Variants in CYP19A1 observed in about 807,000 individuals in gnomAD.
CYP19A1 encodes the protein aromatase.
CYP19A1 carries 32 observed loss-of-function variants against 44.4 expected under a neutral mutation model. That is an observed-to-expected ratio of 0.72 (90% confidence interval 0.54 to 0.97). The LOEUF (loss-of-function observed/expected upper bound fraction) is 0.97. Ranked by LOEUF, CYP19A1 falls within the 50% of genes least tolerant of loss-of-function variation. The pLI, the probability that CYP19A1 is intolerant of heterozygous loss-of-function variation, is 0.00. For missense variants in CYP19A1, 598 were observed against 637.8 expected, an observed-to-expected ratio of 0.94 and a Z score of 0.67; for synonymous variants, 212 against 215.6, an observed-to-expected ratio of 0.98 and a Z score of 0.14.
intron 1 of CYP19A1, among the ~76,000 whole-genome samples, chr15:51,292,501 G>A (rs962568884): frequency 6.6e-6 from 1 of 152,166 alleles, no homozygotes; most frequent in Non-Finnish European, 1.5e-5. Context: ...CAGCATTTTC[G>A]CAAACTGGCA....
chr15:51,212,734 G>T (rs2031151549), intron 8 of CYP19A1, among the ~76,000 whole-genome samples, 173 bp from the exon 9 acceptor site: 1 of 152,174 alleles, frequency 6.6e-6, no homozygotes, highest in African/African-American at 2.4e-5. Context: ...TTGGGCCACA[G>T]AGTGTTTTAT....
intron 2 of CYP19A1, among the ~76,000 whole-genome samples, chr15:51,239,526 A>G (rs911155235): frequency 3.9e-5 from 6 of 152,248 alleles, no homozygotes; most frequent in African/African-American, 9.6e-5. Context: ...ATTGAGCAAA[A>G]GAAGCAAGAT....
At chr15:51,328,882 A>C (rs951899599) in intron 1 of CYP19A1, among the ~76,000 whole-genome samples, 1 of 152,124 alleles carries the variant, frequency 6.6e-6, no homozygotes, top group African/African-American at 2.4e-5. Context: ...AAGTAAGAGA[A>C]TTGCTGCTGC....
At chr15:51,324,521 A>G (rs1021034040) in intron 1 of CYP19A1, among the ~76,000 whole-genome samples, 1 of 152,252 alleles carries the variant, frequency 6.6e-6, no homozygotes, top group African/African-American at 2.4e-5. Context: ...ATAACAGACC[A>G]ATGAGGTTAG....
intron 1 of CYP19A1, among the ~76,000 whole-genome samples, chr15:51,253,136 A>T (rs1051171218): frequency 6.6e-6 from 1 of 152,150 alleles, no homozygotes; most frequent in Non-Finnish European, 1.5e-5. Flanking sequence ...TCTCTACCTT[A>T]GTTTCCTCAT....
chr15:51,293,749 G>C, intron 1 of CYP19A1: 1 of 162,394 alleles, frequency 6.2e-6, no homozygotes, highest in South Asian at 1.5e-4. Context: ...GGTGGAGACG[G>C]GGTTCCCCTG....
chr15:51,251,102 T>A (rs1180637923), intron 1 of CYP19A1, among the ~76,000 whole-genome samples: 1 of 152,114 alleles, frequency 6.6e-6, no homozygotes, highest in Non-Finnish European at 1.5e-5. Context: ...GGGGGAGCAC[T>A]GAAACTGCCT....
chr15:51,284,561 T>C (rs944025143), intron 1 of CYP19A1, among the ~76,000 whole-genome samples: 1 of 152,162 alleles, frequency 6.6e-6, no homozygotes, highest in African/African-American at 2.4e-5. Flanking sequence ...ATCAATATAG[T>C]AATAATAGTA....
intron 1 of CYP19A1, among the ~76,000 whole-genome samples, chr15:51,276,820 AT>A (rs2140963368): frequency 6.6e-6 from 1 of 152,322 alleles, no homozygotes; most frequent in African/African-American, 2.4e-5. Context: ...ATCAAACGTA[AT>A]CATAATGTGC....
intron 1 of CYP19A1, among the ~76,000 whole-genome samples, chr15:51,263,133 AG>A (rs2034791944): frequency 1.3e-5 from 2 of 152,212 alleles, no homozygotes; most frequent in Non-Finnish European, 2.9e-5. Context: ...TGGTAGGAAA[AG>A]GAACAGACAA....
intron 1 of CYP19A1, among the ~76,000 whole-genome samples, chr15:51,301,941 C>T (rs750604623): frequency 1.9e-4 from 29 of 152,178 alleles, no homozygotes; most frequent in Non-Finnish European, 3.7e-4. Flanking sequence ...AAGATTCCTT[C>T]TGTAACCTCC....
intron 1 of CYP19A1, among the ~76,000 whole-genome samples, chr15:51,326,312 G>A (rs1025559717): frequency 6.6e-6 from 1 of 152,146 alleles, no homozygotes; most frequent in Non-Finnish European, 1.5e-5. Context: ...CAGAGGCGAA[G>A]CTCTTCTAGA....
Position 51,236,906 on chromosome 15 carries a change from T to A in CYP19A1, c.249A>T (p.Glu83Asp). 1 of 1,614,206 alleles carries A rather than the reference T, an allele frequency of 6.2e-7. No homozygotes were observed. The highest frequency in any genetic ancestry group is 1.1e-5 in the South Asian group (1 of 91,086). The change falls in exon 3 of 10, where the codon GAA becomes GAT. Residue 83 changes from glutamate to aspartate, a missense_variant. Glu to Asp is a conservative substitution (Grantham distance 45, BLOSUM62 2). Coordinates refer to ENST00000396402, the MANE Select transcript of CYP19A1 (RefSeq NM_000103.4). ...CTCCAGAGATCCAGACTCGCATGAA[T>A]TCTCCATATACCCGGTTGTAGTAGT... is the stretch of plus-strand genomic sequence containing the variant. ...ACNYYNRVYG[E>D]FMRVWISGEE...
At chr15:51,263,980 C>G (rs961919263) in intron 1 of CYP19A1, among the ~76,000 whole-genome samples, 9 of 152,154 alleles carry the variant, frequency 5.9e-5, no homozygotes, top group African/African-American at 2.2e-4. Context: ...AATCTGGGAA[C>G]AACTGAGAGG....
chr15:51,229,389 CAA>C (rs202007253), intron 3 of CYP19A1, among the ~76,000 whole-genome samples: 1,046 of 96,494 alleles, frequency 0.011, 12 homozygotes, highest in African/African-American at 0.039. Context: ...GATCCTATCT[CAA>C]AAAAAAAAAA....
intron 1 of CYP19A1, 156 bp downstream of exon 1, chr15:51,338,339 C>A (rs1470202195): frequency 6.6e-6 from 1 of 152,218 alleles, no homozygotes; most frequent in Non-Finnish European, 1.5e-5. Flanking sequence ...GTCATCAACA[C>A]AGAAGACTTC....
rs916940734 is a variant in CYP19A1 at position 51,208,332 on chromosome 15, T to C, written c.*2476A>G. 2 of 152,136 alleles carry C rather than the reference T, an allele frequency of 1.3e-5. No individual in the cohort carries two copies. The highest frequency in any genetic ancestry group is 1.5e-5 in the Non-Finnish European group (1 of 68,002). 9.4% of individuals were successfully genotyped at this position (152,136 alleles called of 1,614,324 possible). ...GGAAAATGGGATCTCAATGAAGGCA[T>C]GGGGGTGTCTAGCATGCCCAAAGAT... On this transcript the variant is annotated 3_prime_UTR_variant, in exon 10 of 10. Coordinates refer to ENST00000396402, the MANE Select transcript of CYP19A1 (RefSeq NM_000103.4).
At chr15:51,253,980 TAAC>T (rs2034422331) in intron 1 of CYP19A1, among the ~76,000 whole-genome samples, 1 of 152,166 alleles carries the variant, frequency 6.6e-6, no homozygotes, top group Non-Finnish European at 1.5e-5. Flanking sequence ...AGTTGGGGGA[TAAC>T]AAAAATGAAG....
intron 3 of CYP19A1, among the ~76,000 whole-genome samples, chr15:51,235,330 C>T (rs2033320892): frequency 6.6e-6 from 1 of 152,172 alleles, no homozygotes; most frequent in Non-Finnish European, 1.5e-5. Flanking sequence ...GCGGGTCCTA[C>T]CCCAGACTGT....
Sources: allele counts gnomAD v4.1 joint callset (sites outside exome capture counted in the v4.1 genomes callset), GRCh38; gene constraint gnomAD v4.1.1; transcripts MANE v1.5; gene names NCBI Gene and HGNC (gene_info 2026-07-23, HGNC 2026-07-21).